The following CHD9 variants were observed in gnomAD, a reference collection of about 807,000 sequenced individuals.
CHD9 encodes the protein ATP-dependent chromatin remodeler CHD9.
Under a neutral mutation model 316.1 loss-of-function variants are expected in CHD9, and 77 were observed. That is an observed-to-expected ratio of 0.24 (90% CI 0.20 to 0.29). The LOEUF (loss-of-function observed/expected upper bound fraction) is 0.29, where lower values mean the gene tolerates loss of function less well. Among genes scored for constraint, CHD9 ranks in the 10% least tolerant of loss-of-function variants. The pLI, the probability that CHD9 is intolerant of heterozygous loss-of-function variation, is 1.00. For missense variants in CHD9, 2,763 were observed against 3,438.1 expected, an observed-to-expected ratio of 0.80 and a Z score of 4.91; for synonymous variants, 1,129 against 1,158.3, an observed-to-expected ratio of 0.97 and a Z score of 0.51.
At chr16:53,214,536 G>A (rs1205702906) in intron 3 of CHD9, among the ~76,000 whole-genome samples, 1 of 151,856 alleles carries the variant, frequency 6.6e-6, no homozygotes, top group African/African-American at 2.4e-5. Context: ...TAAGTTCTAC[G>A]GTTTTTTTAA....
chr16:53,127,590 C>T (rs2039024880), intron 1 of CHD9, among the ~76,000 whole-genome samples: 1 of 151,780 alleles, frequency 6.6e-6, no homozygotes, highest in Non-Finnish European at 1.5e-5. Flanking sequence ...GTAACCAGGG[C>T]AAGATTTTAG....
intron 1 of CHD9, among the ~76,000 whole-genome samples, chr16:53,124,960 C>G (rs969253723): frequency 6.6e-6 from 1 of 152,142 alleles, no homozygotes; most frequent in African/African-American, 2.4e-5. Context: ...TTGTAGCCAT[C>G]CTGATGAGAG....
chr16:53,154,561 G>A (rs977998748), intron 1 of CHD9, among the ~76,000 whole-genome samples: 1 of 152,136 alleles, frequency 6.6e-6, no homozygotes, highest in Non-Finnish European at 1.5e-5. Flanking sequence ...AATGGGGTGT[G>A]GTGGATGGAG....
chr16:53,147,931 C>T (rs552237098), intron 1 of CHD9, among the ~76,000 whole-genome samples: 4 of 152,096 alleles, frequency 2.6e-5, no homozygotes, highest in South Asian at 2.1e-4. Flanking sequence ...AGGCCAGGCG[C>T]GGTGGCCCAT....
At chr16:53,103,848 C>T (rs1240652407) in intron 1 of CHD9, among the ~76,000 whole-genome samples, 1 of 152,158 alleles carries the variant, frequency 6.6e-6, no homozygotes, top group Admixed American at 6.5e-5. Context: ...AGTAAGGCAG[C>T]TTTTATGATT....
At chr16:53,130,897 G>A (rs2039218309) in intron 1 of CHD9, 2 of 151,944 alleles carry the variant, frequency 1.3e-5, no homozygotes, top group African/African-American at 2.4e-5. Context: ...GCGCGCCGGT[G>A]CTGCCGGAGT....
chr16:53,087,115 C>T (rs1166932172), intron 1 of CHD9, among the ~76,000 whole-genome samples: 1 of 151,984 alleles, frequency 6.6e-6, no homozygotes, highest in Non-Finnish European at 1.5e-5. Context: ...TTTATCAGGC[C>T]CCATTGTCTT....
chr16:53,226,117 A>G (rs1332972622), intron 4 of CHD9, among the ~76,000 whole-genome samples: 1 of 152,138 alleles, frequency 6.6e-6, no homozygotes, highest in Non-Finnish European at 1.5e-5. Context: ...TTCCAAATTA[A>G]CATAATAAAA....
At chr16:53,072,032 A>T (rs1322738961) in intron 1 of CHD9, among the ~76,000 whole-genome samples, 1 of 152,146 alleles carries the variant, frequency 6.6e-6, no homozygotes, top group Non-Finnish European at 1.5e-5. Context: ...ACACACATGC[A>T]TGCACACCCA....
chr16:53,095,541 C>T (rs1398930702), intron 1 of CHD9, among the ~76,000 whole-genome samples: 1 of 151,940 alleles, frequency 6.6e-6, no homozygotes, highest in Non-Finnish European at 1.5e-5. Context: ...AGAGCAAGAC[C>T]CTGTCTCTAA....
intron 1 of CHD9, among the ~76,000 whole-genome samples, chr16:53,125,360 A>T (rs764713912): frequency 4.0e-5 from 6 of 150,710 alleles, no homozygotes; most frequent in African/African-American, 4.9e-5. Flanking sequence ...AGTAGCTGGG[A>T]TTATAGGCAC....
chr16:53,265,539 T>C (rs958406413), intron 20 of CHD9, among the ~76,000 whole-genome samples: 1 of 152,146 alleles, frequency 6.6e-6, no homozygotes, highest in Non-Finnish European at 1.5e-5. Flanking sequence ...TTATGAAATA[T>C]ACAAATAGTG....
At chr16:53,094,029 T>C (rs975522558) in intron 1 of CHD9, among the ~76,000 whole-genome samples, 4 of 152,128 alleles carry the variant, frequency 2.6e-5, no homozygotes, top group Admixed American at 2.6e-4. Flanking sequence ...GAGGAGACTT[T>C]ATCTTAAGGA....
In CHD9 at chr16:53,229,058, A is replaced by G. The variant is rs1448728805; in HGVS notation, c.2244A>G (p.Arg748=). 5.6e-6 allele frequency: 9 copies of G among 1,595,050 alleles called. No individual in the cohort carries two copies. The highest frequency in any genetic ancestry group is 7.7e-6 in the Non-Finnish European group (9 of 1,170,064). ...KDKRIQQKIK[R]FKLRQAQRAH... ...AAAGGATCCAGCAGAAAATCAAACG[A>G]TTCAAATTGAGACAAGCACAAAGAG... The change falls in exon 8 of 39, where the codon CGA becomes CGG. Residue 748 remains arginine, a synonymous_variant. Coordinates refer to ENST00000447540, the MANE Select transcript of CHD9 (RefSeq NM_001308319.2).
At chr16:53,320,437 G>A (rs1035808700) in intron 37 of CHD9, among the ~76,000 whole-genome samples, 10 of 152,110 alleles carry the variant, frequency 6.6e-5, no homozygotes, top group Admixed American at 2.0e-4. Context: ...CAGGAGAATC[G>A]CTTGAACTTG....
intron 2 of CHD9, among the ~76,000 whole-genome samples, chr16:53,170,774 G>A (rs1173091141): frequency 6.6e-6 from 1 of 151,826 alleles, no homozygotes; most frequent in Non-Finnish European, 1.5e-5. Context: ...TTTTAGGTTG[G>A]ACACAAATTT....
Position 53,254,453 on chromosome 16 carries a change from C to A in CHD9, c.3877C>A (p.His1293Asn). Reference sequence around the variant, plus strand: ...ATTTTTATAGGCCCAAGCTCGTTGCCACAGAATTGGTCAGAACAAAGCAGT... The same window carrying A: ...ATTTTTATAGGCCCAAGCTCGTTGCAACAGAATTGGTCAGAACAAAGCAGT... ...QNDLQAQARCHRIGQNKAVKV... is the reference protein window; with the variant it reads ...QNDLQAQARCNRIGQNKAVKV... The change falls in exon 18 of 39, where the codon CAC (histidine) becomes AAC (asparagine). Residue 1293 changes from histidine (H) to asparagine (N), a missense_variant. Coordinates refer to ENST00000447540, the MANE Select transcript of CHD9 (RefSeq NM_001308319.2). The A allele has an allele frequency of 6.4e-7, 1 of 1,571,224 alleles. No homozygotes were observed. The highest frequency in any genetic ancestry group is 8.7e-7 in the Non-Finnish European group (1 of 1,155,606).
At position 53,314,486 on chromosome 16, in the gene CHD9, C is replaced by A; in HGVS notation, c.7332C>A (p.Phe2444Leu). 6.3e-7 allele frequency: 1 copy of A among 1,578,928 alleles called. No individual in the cohort carries two copies. Among genetic ancestry groups the A allele is most frequent in the African/African-American group, 1.3e-5 (1 of 74,172 alleles). Residue 2444 changes from phenylalanine to leucine, a missense_variant, in exon 35 of 39, where the codon TTC becomes TTA. Phe to Leu is a conservative substitution (Grantham distance 22). This residue lies in a region of CHD9 where 663 missense variants were observed against 751.2 expected (regional missense o/e 0.88). Coordinates refer to ENST00000447540, the MANE Select transcript of CHD9 (RefSeq NM_001308319.2). ...AGAATGTAGAAGGTGTTGACATCTT[C>A]TTTTTTAACAGAAATAAACCACCTA... is the stretch of plus-strand genomic sequence containing the variant. ...RRKNVEGVDI[F>L]FFNRNKPPNH...
intron 30 of CHD9, among the ~76,000 whole-genome samples, chr16:53,300,735 A>G (rs1342364287): frequency 6.6e-6 from 1 of 152,230 alleles, no homozygotes; most frequent in East Asian, 1.9e-4. Context: ...AGTGCTGGAT[A>G]TCCCTCATAA....
Sources: allele counts gnomAD v4.1 joint callset (sites outside exome capture counted in the v4.1 genomes callset), GRCh38; gene constraint gnomAD v4.1.1; regional missense constraint gnomAD v4.1.1; transcripts MANE v1.5; gene names NCBI Gene and HGNC (gene_info 2026-07-23, HGNC 2026-07-21).